PLS1: variants seen among roughly 807,000 people sequenced by gnomAD.
PLS1 encodes plastin-1.
In PLS1, 32 loss-of-function variants were observed where a neutral mutation model predicts 73.7. That is an observed-to-expected ratio of 0.43 (90% confidence interval 0.33 to 0.58). The LOEUF (loss-of-function observed/expected upper bound fraction) is 0.58. Ranked by LOEUF, PLS1 falls within the 20% of genes least tolerant of loss-of-function variation. The pLI, the probability that PLS1 is intolerant of heterozygous loss-of-function variation, is 0.04. For missense variants in PLS1, 633 were observed against 740.5 expected, an observed-to-expected ratio of 0.85 and a Z score of 1.68; for synonymous variants, 217 against 261.3, an observed-to-expected ratio of 0.83 and a Z score of 1.63.
intron 14 of PLS1, among the ~76,000 whole-genome samples, chr3:142,709,633 G>A (rs1933017218): frequency 1.3e-5 from 2 of 152,150 alleles, no homozygotes; most frequent in East Asian, 3.9e-4. Context: ...TGGCTAACAC[G>A]GCGAAACCCC....
At chr3:142,605,759 A>T (rs193097184) in intron 1 of PLS1, among the ~76,000 whole-genome samples, 1 of 152,370 alleles carries the variant, frequency 6.6e-6, no homozygotes, top group East Asian at 1.9e-4. Context: ...ACTATGGAGC[A>T]TATTAACATT....
intron 11 of PLS1, among the ~76,000 whole-genome samples, chr3:142,695,644 G>C (rs2038177975): frequency 6.6e-6 from 1 of 152,074 alleles, no homozygotes; most frequent in Non-Finnish European, 1.5e-5. Flanking sequence ...ATCCCATTTT[G>C]TTTACAATTT....
chr3:142,671,156 A>G lies in PLS1; in HGVS notation c.364+34A>G, dbSNP rs750573388. On this transcript the variant is annotated intron_variant, in intron 4 of 15. Transcript: ENST00000457734. ...CTTCTCCAAATTTGATCTTTTAGTCACTGATTCATTGATTAAGTGACATAT... is the reference window on the plus strand; with the variant it reads ...CTTCTCCAAATTTGATCTTTTAGTCGCTGATTCATTGATTAAGTGACATAT... 2.6e-6 allele frequency: 4 copies of G among 1,565,786 alleles called. No homozygotes were observed. In the East Asian group the frequency reaches 9.0e-5, roughly 35 times the overall value.
chr3:142,660,428 C>T (rs1209045966), intron 1 of PLS1, among the ~76,000 whole-genome samples: 1 of 152,062 alleles, frequency 6.6e-6, no homozygotes, highest in East Asian at 1.9e-4. Context: ...ATAGCTTAGC[C>T]TTGCATACCT....
Position 142,678,131 on chromosome 3 carries a change from G to C in PLS1, c.579+18G>C. 1 of 1,275,584 alleles carries C rather than the reference G, an allele frequency of 7.8e-7. No homozygotes were observed. The highest frequency in any genetic ancestry group is 1.1e-6 in the Non-Finnish European group (1 of 912,878). 79.0% of individuals were successfully genotyped at this position (1,275,584 alleles called of 1,614,324 possible). A position where few individuals can be genotyped will look rare whatever the true frequency, so the allele number is the denominator to read the frequency against. ...CTATTTCTGTAAGTATTTGCCCTTT[G>C]CTTATTATCATGTTACTATGCTGAG... On this transcript the variant is annotated intron_variant, in intron 6 of 15. Transcript: ENST00000457734.
intron 14 of PLS1, among the ~76,000 whole-genome samples, chr3:142,707,069 C>T (rs370320126): frequency 2.6e-5 from 4 of 152,046 alleles, no homozygotes; most frequent in Non-Finnish European, 4.4e-5. Context: ...AGAGAACAGC[C>T]GACCTGAGAG....
At chr3:142,600,148 G>A (rs182661404) in intron 1 of PLS1, among the ~76,000 whole-genome samples, 2 of 152,282 alleles carry the variant, frequency 1.3e-5, no homozygotes, top group Admixed American at 6.5e-5. Context: ...TTTGGTGGTC[G>A]ATGAGAGAAT....
At position 142,609,587 on chromosome 3, in the gene PLS1, T is replaced by C. The variant is rs182195370; in HGVS notation, c.-37+13078T>C. Among the ~76,000 whole-genome samples, 622 of 152,314 alleles carry C rather than the reference T, an allele frequency of 4.1e-3. 12 individuals are homozygous for C. Among genetic ancestry groups the C allele is most frequent in the African/African-American group, 0.015 (604 of 41,560 alleles). On this transcript the variant is annotated intron_variant, in intron 1 of 15. Transcript: ENST00000457734. The stretch of plus-strand genomic sequence containing the variant: ...CAGTGAACAATAAATGTCTTTTGCA[T>C]CCCTGGTTTTAGAGCAACAGAAGCA...
intron 9 of PLS1, among the ~76,000 whole-genome samples, chr3:142,687,454 C>A (rs2037994983): frequency 6.6e-6 from 1 of 152,102 alleles, no homozygotes; most frequent in African/African-American, 2.4e-5. Flanking sequence ...TGAGTCATTA[C>A]TAATTAATTA....
chr3:142,680,148 C>G (rs2037818307), intron 6 of PLS1, among the ~76,000 whole-genome samples: 1 of 152,212 alleles, frequency 6.6e-6, no homozygotes, highest in African/African-American at 2.4e-5. Context: ...ACTGTAACCT[C>G]AAACTCCTGG....
At chr3:142,597,818 C>A (rs6414350) in intron 1 of PLS1, among the ~76,000 whole-genome samples, 2 of 152,010 alleles carry the variant, frequency 1.3e-5, no homozygotes, top group East Asian at 1.9e-4. Flanking sequence ...ATTAAACTTC[C>A]TTTTTCTCTT....
chr3:142,705,866 T>G (rs981944603), intron 14 of PLS1, among the ~76,000 whole-genome samples: 1 of 152,188 alleles, frequency 6.6e-6, no homozygotes, highest in African/African-American at 2.4e-5. Context: ...CCACCCCCCC[T>G]TTTCTATCTT....
intron 1 of PLS1, among the ~76,000 whole-genome samples, chr3:142,618,852 C>G (rs772844820): frequency 4.6e-5 from 7 of 152,152 alleles, no homozygotes; most frequent in Non-Finnish European, 8.8e-5. Flanking sequence ...TGCCTCATCT[C>G]AAGGCCCATA....
intron 1 of PLS1, among the ~76,000 whole-genome samples, chr3:142,623,982 T>C (rs2036367169): frequency 6.6e-6 from 1 of 152,152 alleles, no homozygotes; most frequent in African/African-American, 2.4e-5. Flanking sequence ...GTATTATTGC[T>C]TGGAAACTTG....
rs560522561 is a variant in PLS1 at position 142,600,456 on chromosome 3, G to A, written c.-37+3947G>A. ...GTAGGCCAGGAGGGTGGCACCAAAG[G>A]GTGGTGTTTATGACCCAAGAACATG... On this transcript the variant is annotated intron_variant, in intron 1 of 15. Coordinates refer to ENST00000457734, the MANE Select transcript of PLS1 (RefSeq NM_001145319.2). 3.3e-5 allele frequency among the ~76,000 whole-genome samples: 5 copies of A among 152,212 alleles called. No homozygotes were observed. In the East Asian group the frequency reaches 9.7e-4, roughly 29 times the overall value.
chr3:142,612,043 T>C (rs2036132457), intron 1 of PLS1, among the ~76,000 whole-genome samples: 2 of 152,228 alleles, frequency 1.3e-5, no homozygotes, highest in South Asian at 4.1e-4. Flanking sequence ...TACTGAAATA[T>C]ATGTGCAAAA....
chr3:142,671,201 C>T (rs2107844947), intron 4 of PLS1, 79 bp downstream of exon 4: 2 of 1,241,292 alleles, frequency 1.6e-6, no homozygotes, highest in East Asian at 4.8e-5. Flanking sequence ...TCTAAGATGC[C>T]ACTCATTGTG....
intron 1 of PLS1, among the ~76,000 whole-genome samples, chr3:142,651,258 G>A (rs144236922): frequency 4.6e-5 from 7 of 151,878 alleles, no homozygotes; most frequent in African/African-American, 1.4e-4. Flanking sequence ...TTAGGAGTTC[G>A]AGACCAGCCT....
chr3:142,608,104 CA>C (rs1422960698), intron 1 of PLS1, among the ~76,000 whole-genome samples: 1 of 152,150 alleles, frequency 6.6e-6, no homozygotes, highest in Non-Finnish European at 1.5e-5. Context: ...TTTGGCCTCC[CA>C]AACTGCTGGG....
Sources: allele counts gnomAD v4.1 joint callset (sites outside exome capture counted in the v4.1 genomes callset), GRCh38; gene constraint gnomAD v4.1.1; transcripts MANE v1.5; gene names NCBI Gene and HGNC (gene_info 2026-07-23, HGNC 2026-07-21).